AP1M2: variants seen among roughly 807,000 people sequenced by gnomAD.
AP1M2 encodes the protein AP-1 complex subunit mu-2.
Under a neutral mutation model 54.6 loss-of-function variants are expected in AP1M2, and 41 were observed. The ratio of observed to expected loss-of-function variants is 0.75; its 90% CI spans 0.59 to 0.97. The LOEUF (loss-of-function observed/expected upper bound fraction) is 0.97. Among genes scored for constraint, AP1M2 ranks in the 50% least tolerant of loss-of-function variants. AP1M2 has a pLI of 0.00. For synonymous variants in AP1M2, 219 were observed against 215.9 expected (o/e 1.01, Z -0.13); for missense variants, 507 against 561.2 (o/e 0.90, Z 0.98).
Position 10,577,314 on chromosome 19 carries a change from C to T in AP1M2, c.931G>A (p.Glu311Lys), listed in dbSNP as rs766459542. ...FKKQSVANGV[E>K]ISVPVPSDAD... Reference sequence around the variant, plus strand: ...TCGCTGGGTACAGGCACAGATATCTCCACACCGTTGGCCACTGACTGTTTC... The same window carrying T: ...TCGCTGGGTACAGGCACAGATATCTTCACACCGTTGGCCACTGACTGTTTC... Residue 311 changes from glutamate (E) to lysine (K), a missense_variant, in exon 9 of 12, where the codon GAG becomes AAG. Transcript: ENST00000250244. The T allele has an allele frequency of 6.8e-6, 11 of 1,611,054 alleles. No individual in the cohort carries two copies. The South Asian group carries it at 1.2e-4, about 18-fold the overall frequency.
Position 10,572,964 on chromosome 19 carries a change from G to T in AP1M2, c.*102C>A. On this transcript the variant is annotated 3_prime_UTR_variant, in exon 12 of 12. Coordinates refer to ENST00000250244, the MANE Select transcript of AP1M2 (RefSeq NM_005498.5). ...CAAGAAACTGCCAAGTCCAGGACCTGCCCTCACACAGACACACACAGCCCG... is the reference window on the plus strand; with the variant it reads ...CAAGAAACTGCCAAGTCCAGGACCTTCCCTCACACAGACACACACAGCCCG... 1 of 1,262,340 alleles carries T rather than the reference G, an allele frequency of 7.9e-7. No homozygotes were observed. The highest frequency in any genetic ancestry group is 1.1e-6 in the Non-Finnish European group (1 of 886,960). The allele number at this position is 1,262,340 out of a possible 1,614,324, so 78.2% of individuals were successfully genotyped here. A position where few individuals can be genotyped will look rare whatever the true frequency, so the allele number is the denominator to read the frequency against.
chr19:10,584,267 G>A (rs1917562108), intron 1 of AP1M2, among the ~76,000 whole-genome samples, 197 bp from the exon 2 acceptor site: 1 of 152,154 alleles, frequency 6.6e-6, no homozygotes, highest in Non-Finnish European at 1.5e-5. Context: ...CTCACTAAGT[G>A]CCAGGCTGTG....
At chr19:10,578,327 G>A (rs1917313974) in intron 8 of AP1M2, among the ~76,000 whole-genome samples, 1 of 152,012 alleles carries the variant, frequency 6.6e-6, no homozygotes, top group Non-Finnish European at 1.5e-5. Flanking sequence ...CAGCACTTGG[G>A]GAGATGGAGG....
Position 10,579,716 on chromosome 19 carries a change from C to A in AP1M2, c.816G>T (p.Gln272His), listed in dbSNP as rs1250014372. The change falls in exon 7 of 12, where the codon CAG becomes CAT. Residue 272 changes from glutamine (Q) to histidine (H), a missense_variant and splice_region_variant. By Grantham distance (24) the Gln-to-His change is conservative. Coordinates refer to ENST00000250244, the MANE Select transcript of AP1M2 (RefSeq NM_005498.5). Reference protein sequence around the residue: ...FELMSYRLSTQVKPLIWIESV... With the variant: ...FELMSYRLSTHVKPLIWIESV... Reference sequence around the variant, plus strand: ...CAGATGGGGCTGGACCCTGCCTCACCTGGGTGCTGAGGCGGTATGACATGA... The same window carrying A: ...CAGATGGGGCTGGACCCTGCCTCACATGGGTGCTGAGGCGGTATGACATGA... 6.2e-7 allele frequency: 1 copy of A among 1,612,288 alleles called. No individual in the cohort carries two copies. Among genetic ancestry groups the A allele is most frequent in the South Asian group, 1.1e-5 (1 of 90,858 alleles).
At position 10,575,018 on chromosome 19, in the gene AP1M2, C is replaced by A; in HGVS notation, c.1059G>T (p.Glu353Asp). The change falls in exon 10 of 12, where the codon GAG (glutamate) becomes GAT (aspartate). Residue 353 changes from glutamate (E) to aspartate (D), a missense_variant. By Grantham distance (45) the Glu-to-Asp change is conservative (BLOSUM62 2). Transcript: ENST00000250244. ...WSIKSFPGGK[E>D]YLMRAHFGLP... is the part of the protein sequence containing the mutation. Reference sequence around the variant, plus strand: ...GGCCAAAGTGGGCTCGCATCAAGTACTCCTTGCCCCCCTGAGGGAACATGG... The same window carrying A: ...GGCCAAAGTGGGCTCGCATCAAGTAATCCTTGCCCCCCTGAGGGAACATGG... 1 of 1,521,698 alleles carries A rather than the reference C, an allele frequency of 6.6e-7. No homozygotes were observed. The highest frequency in any genetic ancestry group is 8.8e-7 in the Non-Finnish European group (1 of 1,131,074). The allele number at this position is 1,521,698 out of a possible 1,614,324, so 94.3% of individuals were successfully genotyped here.
At chr19:10,585,319 G>GAAAGAAAGAA (rs1917615754) in intron 1 of AP1M2, among the ~76,000 whole-genome samples, 34 of 140,798 alleles carry the variant, frequency 2.4e-4, no homozygotes, top group South Asian at 1.5e-3. Context: ...AAGAAAGAAA[G>GAAAGAAAGAA]AAAGAAAGAA....
intron 1 of AP1M2, among the ~76,000 whole-genome samples, chr19:10,586,059 G>A (rs1249594229): frequency 2.0e-5 from 3 of 152,038 alleles, no homozygotes; most frequent in South Asian, 2.1e-4. Flanking sequence ...CGAGGTGGGC[G>A]GATCACGAGG....
At chr19:10,584,239 G>A (rs997723595) in intron 1 of AP1M2, among the ~76,000 whole-genome samples, 169 bp from the exon 2 acceptor site, 7 of 152,186 alleles carry the variant, frequency 4.6e-5, no homozygotes, top group Non-Finnish European at 1.0e-4. Context: ...GATGACAACA[G>A]CTAATGGGTC....
intron 11 of AP1M2, among the ~76,000 whole-genome samples, chr19:10,573,291 C>T (rs752314810): frequency 4.6e-5 from 7 of 151,986 alleles, no homozygotes; most frequent in Non-Finnish European, 7.4e-5. Context: ...TGATGGTGCA[C>T]ACCTGTAATC....
Position 10,587,127 on chromosome 19 carries a change from C to T in AP1M2, c.42+63G>A, listed in dbSNP as rs538069125. On this transcript the variant is annotated intron_variant, in intron 1 of 11. Coordinates refer to ENST00000250244, the MANE Select transcript of AP1M2 (RefSeq NM_005498.5). Reference sequence around the variant, plus strand: ...TTCCTGGCCCGCGCGGAGGGGTCGCCCCTGAATCCCTGGGAGCGAGACCTC... The same window carrying T: ...TTCCTGGCCCGCGCGGAGGGGTCGCTCCTGAATCCCTGGGAGCGAGACCTC... 14 of 1,536,288 alleles carry T rather than the reference C, an allele frequency of 9.1e-6. No individual in the cohort carries two copies. In the South Asian group the frequency reaches 1.1e-4, roughly 12 times the overall value.
intron 7 of AP1M2, 101 bp from the exon 8 acceptor site, chr19:10,579,064 G>A (rs1175077747): frequency 1.9e-5 from 17 of 901,504 alleles, no homozygotes; most frequent in Admixed American, 5.7e-5. Flanking sequence ...TCGCTTCTTC[G>A]CCCAGGCTGA....
At position 10,581,200 on chromosome 19, in the gene AP1M2, C is replaced by A. The variant is rs1438399750; in HGVS notation, c.673+66G>T. 4.5e-6 allele frequency: 7 copies of A among 1,543,734 alleles called. No individual in the cohort carries two copies. The East Asian group carries it at 1.4e-4, about 30-fold the overall frequency. ...AAACGGGCTGCGATTCTCTTAAGTC[C>A]CCACGTGGGGCGGGTTTGCGACTCC... On this transcript the variant is annotated intron_variant, in intron 6 of 11. Transcript: ENST00000250244.
At chr19:10,574,354 C>T in intron 11 of AP1M2, 63 bp downstream of exon 11, 2 of 1,320,306 alleles carry the variant, frequency 1.5e-6, no homozygotes, top group Non-Finnish European at 2.1e-6. Flanking sequence ...GTGGTGAAAG[C>T]CTCGAGTCCC....
At chr19:10,585,595 G>A in intron 1 of AP1M2, among the ~76,000 whole-genome samples, 1 of 151,948 alleles carries the variant, frequency 6.6e-6, no homozygotes, top group East Asian at 1.9e-4. Context: ...TACTCAGGAG[G>A]CTAAGGCATG....
chr19:10,582,317 T>TG (rs5827104), intron 3 of AP1M2, among the ~76,000 whole-genome samples: 38,567 of 151,726 alleles, frequency 0.25, 5,860 homozygotes, highest in East Asian at 0.66. Context: ...GCTGGGATTA[T>TG]GGCATGAGCC....
Position 10,578,888 on chromosome 19 carries a change from C to T in AP1M2, c.888+4G>A, listed in dbSNP as rs1245317346. 6.2e-7 allele frequency: 1 copy of T among 1,606,508 alleles called. No individual in the cohort carries two copies. Among genetic ancestry groups the T allele is most frequent in the African/African-American group, 1.3e-5 (1 of 74,820 alleles). Reference sequence around the variant, plus strand: ...TTGTTAATAAGCATTCCCCCAAGGCCCACCTTGACCATGATCTCCACGCGG... The same window carrying T: ...TTGTTAATAAGCATTCCCCCAAGGCTCACCTTGACCATGATCTCCACGCGG... On this transcript the variant is annotated splice_donor_region_variant and intron_variant, in intron 8 of 11. Transcript: ENST00000250244.
In AP1M2 at chr19:10,579,883, G is replaced by C. The variant is rs758854612; in HGVS notation, c.674-25C>G. 22 of 1,567,156 alleles carry C rather than the reference G, an allele frequency of 1.4e-5. No homozygotes were observed. In the South Asian group the frequency reaches 2.1e-4, roughly 15 times the overall value. On this transcript the variant is annotated intron_variant, in intron 6 of 11. Transcript: ENST00000250244. The stretch of plus-strand genomic sequence containing the variant: ...CCTGAAACTCAGAGTGGAGAGTGGA[G>C]AGTGACCCTGGGAACCAGGAAAGGA...
intron 10 of AP1M2, among the ~76,000 whole-genome samples, 158 bp from the exon 11 acceptor site, chr19:10,574,650 G>A (rs934602847): frequency 3.0e-4 from 46 of 152,294 alleles, no homozygotes; most frequent in African/African-American, 1.1e-3. Context: ...CACAGGCAAC[G>A]GAATGGTGAA....
chr19:10,584,084 G>A lies in AP1M2; in HGVS notation c.43-14C>T, dbSNP rs747500670. The A allele has an allele frequency of 8.7e-6, 14 of 1,604,672 alleles. No homozygotes were observed. The South Asian group carries it at 1.6e-4, about 18-fold the overall frequency. ...GCTGATCAATGGCTGAGGGTGGAAG[G>A]AAAGGACCTGGTCACCACCAGCATC... On this transcript the variant is annotated splice_polypyrimidine_tract_variant and intron_variant, in intron 1 of 11. Transcript: ENST00000250244.
Sources: allele counts gnomAD v4.1 joint callset (sites outside exome capture counted in the v4.1 genomes callset), GRCh38; gene constraint gnomAD v4.1.1; transcripts MANE v1.5; gene names NCBI Gene and HGNC (gene_info 2026-07-23, HGNC 2026-07-21).